The following OTX2 variants were observed in gnomAD, a reference collection of about 807,000 sequenced individuals.
OTX2 encodes the protein homeobox protein OTX2.
OTX2 carries 4 observed loss-of-function variants against 29.0 expected under a neutral mutation model. The observed-to-expected ratio is 0.14, with a 90% confidence interval of 0.07 to 0.32. OTX2 has a LOEUF of 0.32. Among genes scored for constraint, OTX2 ranks in the 10% least tolerant of loss-of-function variants. The pLI is 1.00. For synonymous variants in OTX2, 134 were observed against 141.0 expected, an observed-to-expected ratio of 0.95 and a Z score of 0.35; for missense variants, 298 against 365.9, an observed-to-expected ratio of 0.81 and a Z score of 1.51.
chr14:56,804,542 C>G lies in OTX2; in HGVS notation c.98-179G>C, dbSNP rs896292407. Among the ~76,000 whole-genome samples the G allele has an allele frequency of 2.0e-5, 3 of 152,212 alleles. No homozygotes were observed. Among genetic ancestry groups the G allele is most frequent in the Non-Finnish European group, 4.4e-5 (3 of 68,046 alleles). ...CGGGGACCCAGGACACACGCTGCTT[C>G]TTTCCCTACTCTTCTTGGTGTTGAG... On this transcript the variant is annotated intron_variant, in intron 3 of 4. Transcript: ENST00000672264. The surrounding 1 kb of genome is among the most constrained non-coding windows in gnomAD (Gnocchi z 4.1).
chr14:56,807,325 A>G (rs1892121592), intron 2 of OTX2, among the ~76,000 whole-genome samples: 2 of 152,146 alleles, frequency 1.3e-5, no homozygotes, highest in South Asian at 2.1e-4. Context: ...ATACAGTTGT[A>G]TATGTGTTTA....
At chr14:56,806,955 CAAG>C (rs1892108952) in intron 2 of OTX2, among the ~76,000 whole-genome samples, 1 of 151,978 alleles carries the variant, frequency 6.6e-6, no homozygotes, top group Admixed American at 6.5e-5. Context: ...ATGGCGGATA[CAAG>C]ATAAAGGTCT....
chr14:56,806,091 C>A (rs995554077), intron 2 of OTX2, among the ~76,000 whole-genome samples: 1 of 152,128 alleles, frequency 6.6e-6, no homozygotes, highest in Non-Finnish European at 1.5e-5. Context: ...GTTGCCTTTC[C>A]ATGGCAGAGA....
intron 2 of OTX2, among the ~76,000 whole-genome samples, chr14:56,807,174 C>T (rs1283045542): frequency 1.3e-5 from 2 of 152,252 alleles, no homozygotes; most frequent in East Asian, 1.9e-4. Flanking sequence ...CTCAGTACAA[C>T]TAATTTAGTT....
rs373972732 is a variant in OTX2, at chr14:56,805,500, A to G, written c.-44T>C. On this transcript the variant is annotated 5_prime_UTR_variant, in exon 3 of 5. Coordinates refer to ENST00000672264, the MANE Select transcript of OTX2 (RefSeq NM_021728.4). ...TGCAAAGTCGGCCCAAATCGGGGGTACCCAGCTGGAAGATCTTGATGCGCC... is the reference window on the plus strand; with the variant it reads ...TGCAAAGTCGGCCCAAATCGGGGGTGCCCAGCTGGAAGATCTTGATGCGCC... 27 of 1,346,732 alleles carry G rather than the reference A, an allele frequency of 2.0e-5. No homozygotes were observed. The highest frequency in any genetic ancestry group is 2.6e-5 in the Non-Finnish European group (24 of 940,916). 83.4% of individuals were successfully genotyped at this position (1,346,732 alleles called of 1,614,324 possible).
Position 56,804,643 on chromosome 14 carries a change from A to C in OTX2, c.98-280T>G, listed in dbSNP as rs1892014849. ...TAAAAGACACACAAAAAAGTTCTCCAAGATCAACCCCCAAACCACAACACA... is the reference window on the plus strand; with the variant it reads ...TAAAAGACACACAAAAAAGTTCTCCCAGATCAACCCCCAAACCACAACACA... On this transcript the variant is annotated intron_variant, in intron 3 of 4. Transcript: ENST00000672264. The surrounding 1 kb of genome is among the most constrained non-coding windows in gnomAD (Gnocchi z 4.1). Among the ~76,000 whole-genome samples the C allele has an allele frequency of 6.6e-6, 1 of 152,168 alleles. No homozygotes were observed. The highest frequency in any genetic ancestry group is 2.4e-5 in the African/African-American group (1 of 41,454).
chr14:56,809,110 G>T (rs1892188822), intron 2 of OTX2, among the ~76,000 whole-genome samples: 2 of 152,178 alleles, frequency 1.3e-5, no homozygotes. Context: ...GTGCGCGAGC[G>T]CGCGGGCGAG....
At position 56,804,305 on chromosome 14, in the gene OTX2, C is replaced by A; in HGVS notation, c.156G>T (p.Thr52=). ...TPRKQRRERT[T]FTRAQLDVLE... ...GCACATCTAGCTGCGCCCGAGTGAA[C>A]GTCGTCCTCTCCCGGCGCTGTTTCC... Residue 52 remains threonine, a synonymous_variant, in exon 4 of 5, where the codon ACG becomes ACT. Transcript: ENST00000672264. This position sits in a 1 kb window ranked among gnomAD's most constrained non-coding sequence, Gnocchi z 4.1. The A allele has an allele frequency of 1.2e-6, 2 of 1,614,126 alleles. No homozygotes were observed. The highest frequency in any genetic ancestry group is 1.7e-6 in the Non-Finnish European group (2 of 1,180,038).
At chr14:56,805,697 G>A (rs988669620) in intron 2 of OTX2, 122 bp from the exon 3 acceptor site, 2 of 506,258 alleles carry the variant, frequency 4.0e-6, no homozygotes, top group South Asian at 2.0e-5. Flanking sequence ...GGCTTTTAAA[G>A]GACTTGCAGA....
rs1891833169 is a variant in OTX2, at chr14:56,800,397, T to G, written c.*1338A>C. 6.6e-6 allele frequency: 1 copy of G among 152,138 alleles called. No individual in the cohort carries two copies. The highest frequency in any genetic ancestry group is 1.5e-5 in the Non-Finnish European group (1 of 68,034). 9.4% of individuals were successfully genotyped at this position (152,138 alleles called of 1,614,324 possible). ...TCCTCCCTCTTAAAAACTTGATATA[T>G]TTTAAAACATTCTAATAAAGTGCCT... On this transcript the variant is annotated 3_prime_UTR_variant, in exon 5 of 5. Coordinates refer to ENST00000672264, the MANE Select transcript of OTX2 (RefSeq NM_021728.4).
chr14:56,803,534 G>A (rs904655397), intron 4 of OTX2, among the ~76,000 whole-genome samples: 4 of 152,196 alleles, frequency 2.6e-5, no homozygotes, highest in Admixed American at 2.6e-4. Context: ...AGAGAATTCT[G>A]TACAGGGCTC....
chr14:56,807,459 T>C (rs894288837), intron 2 of OTX2, among the ~76,000 whole-genome samples: 11 of 152,094 alleles, frequency 7.2e-5, no homozygotes, highest in African/African-American at 2.4e-4. Flanking sequence ...AATATGGAAA[T>C]GTTCTTACAT....
chr14:56,808,078 A>C (rs1373692548), intron 2 of OTX2, among the ~76,000 whole-genome samples: 1 of 149,762 alleles, frequency 6.7e-6, no homozygotes, highest in Non-Finnish European at 1.5e-5. Flanking sequence ...TCTAACGGTC[A>C]ATTCGTGCAA....
chr14:56,807,180 TA>T (rs1160358823), intron 2 of OTX2, among the ~76,000 whole-genome samples: 1 of 152,200 alleles, frequency 6.6e-6, no homozygotes, highest in Non-Finnish European at 1.5e-5. Flanking sequence ...ACAACTAATT[TA>T]GTTGCCCCTA....
At position 56,805,410 on chromosome 14, in the gene OTX2, C is replaced by T; in HGVS notation, c.47G>A (p.Ser16Asn). The change falls in exon 3 of 5, where the codon AGT becomes AAT. Residue 16 changes from serine to asparagine, a missense_variant. By Grantham distance (46) the Ser-to-Asn change is conservative. Around this residue, in one of 3 missense-constraint regions of OTX2, gnomAD observed 50 missense variants for 57.6 expected, o/e 0.87. Coordinates refer to ENST00000672264, the MANE Select transcript of OTX2 (RefSeq NM_021728.4). ...KQPPYAVNGLSLTTSGMDLLH... is the reference protein window; with the variant it reads ...KQPPYAVNGLNLTTSGMDLLH... The stretch of plus-strand genomic sequence containing the variant: ...CAAGTCCATACCCGAAGTGGTCAGA[C>T]TCAGCCCATTGACTGCGTAAGGCGG... The T allele has an allele frequency of 2.5e-6, 4 of 1,614,126 alleles. No homozygotes were observed. Among genetic ancestry groups the T allele is most frequent in the Non-Finnish European group, 3.4e-6 (4 of 1,179,972 alleles).
intron 2 of OTX2, among the ~76,000 whole-genome samples, chr14:56,808,164 G>A (rs183186748): frequency 1.3e-5 from 2 of 151,814 alleles, no homozygotes; most frequent in African/African-American, 4.8e-5. Flanking sequence ...CTGTGTCCTC[G>A]CTCAACAATA....
At chr14:56,809,588 A>G (rs1244820742) in intron 2 of OTX2, among the ~76,000 whole-genome samples, 1 of 152,068 alleles carries the variant, frequency 6.6e-6, no homozygotes, top group East Asian at 2.0e-4. Flanking sequence ...CACGTTCAAC[A>G]GGGGCCGACA....
chr14:56,804,400 T>C lies in OTX2; in HGVS notation c.98-37A>G. The C allele has an allele frequency of 6.3e-7, 1 of 1,587,016 alleles. No individual in the cohort carries two copies. The highest frequency in any genetic ancestry group is 1.1e-5 in the South Asian group (1 of 88,112). On this transcript the variant is annotated intron_variant, in intron 3 of 4. Transcript: ENST00000672264. The surrounding 1 kb of genome is among the most constrained non-coding windows in gnomAD (Gnocchi z 4.1). Reference sequence around the variant, plus strand: ...GGGAGCAGTTTCTCAGTCATAGGCGTTTCCGCGGGTTCTCCGACGCCCCTG... The same window carrying C: ...GGGAGCAGTTTCTCAGTCATAGGCGCTTCCGCGGGTTCTCCGACGCCCCTG...
chr14:56,800,911 C>CT lies in OTX2; in HGVS notation c.*823dup, dbSNP rs1298354320. 6.6e-6 allele frequency: 1 copy of CT among 152,546 alleles called. No homozygotes were observed. The highest frequency in any genetic ancestry group is 1.5e-5 in the Non-Finnish European group (1 of 68,050). 9.4% of individuals were successfully genotyped at this position (152,546 alleles called of 1,614,324 possible). On this transcript the variant is annotated 3_prime_UTR_variant, in exon 5 of 5. Coordinates refer to ENST00000672264, the MANE Select transcript of OTX2 (RefSeq NM_021728.4). ...AGTAAATTACAGATGAATTAGTGTC[C>CT]TTTTGCTTCTCTTCTCTGACTCTCT... is the stretch of plus-strand genomic sequence containing the variant.
Sources: gnomAD v4.1 joint callset for allele counts (sites outside exome capture counted in the v4.1 genomes callset) on GRCh38, gnomAD v4.1.1 for gene constraint, gnomAD v4.1.1 regional missense constraint, Gnocchi (gnomAD v3.1) non-coding constraint, MANE v1.5 for transcripts, NCBI Gene and HGNC (gene_info 2026-07-23, HGNC 2026-07-21) for gene names.